Variants in GRID1 observed in about 807,000 individuals in gnomAD.
GRID1 encodes the protein glutamate receptor ionotropic, delta-1.
A neutral mutation model predicts 98.0 loss-of-function variants in GRID1; 28 were observed. The ratio of observed to expected loss-of-function variants is 0.29; its 90% CI spans 0.21 to 0.39. The LOEUF is 0.39. Among genes scored for constraint, GRID1 ranks in the 10% least tolerant of loss-of-function variants. GRID1 has a pLI of 1.00. For synonymous variants in GRID1, 553 were observed against 538.5 expected (o/e 1.03, Z -0.37); for missense variants, 1,111 against 1,340.5 (o/e 0.83, Z 2.67).
At chr10:86,140,264 G>A (rs566269123) in intron 3 of GRID1, among the ~76,000 whole-genome samples, 1 of 152,330 alleles carries the variant, frequency 6.6e-6, no homozygotes. Context: ...GGTCTGCCCA[G>A]ACCCACAAGC....
intron 8 of GRID1, among the ~76,000 whole-genome samples, chr10:85,756,203 C>T (rs562923388): frequency 1.5e-4 from 23 of 152,308 alleles, no homozygotes; most frequent in African/African-American, 5.3e-4. Context: ...ACTTATCATG[C>T]ACTGTGGCCG....
intron 5 of GRID1, among the ~76,000 whole-genome samples, chr10:85,885,988 C>A (rs553499914): frequency 6.6e-6 from 1 of 152,266 alleles, no homozygotes; most frequent in East Asian, 1.9e-4. Context: ...TTCCTCCATG[C>A]TAGGGCAACC....
chr10:86,087,296 G>C (rs894072481), intron 4 of GRID1, among the ~76,000 whole-genome samples: 9 of 151,778 alleles, frequency 5.9e-5, no homozygotes, highest in Admixed American at 2.0e-4. Flanking sequence ...TAATATGTTA[G>C]TATGCCAGTA....
chr10:86,116,192 C>T (rs1476656904), intron 4 of GRID1, among the ~76,000 whole-genome samples: 1 of 152,166 alleles, frequency 6.6e-6, no homozygotes, highest in Non-Finnish European at 1.5e-5. Context: ...CAAGAGTAAA[C>T]AGCAGAAATA....
intron 8 of GRID1, among the ~76,000 whole-genome samples, chr10:85,829,887 G>A (rs1842852524): frequency 6.6e-6 from 1 of 151,422 alleles, no homozygotes; most frequent in Non-Finnish European, 1.5e-5. Flanking sequence ...CCATGCTACT[G>A]TGCAATTTAC....
intron 8 of GRID1, among the ~76,000 whole-genome samples, chr10:85,738,745 T>A (rs1841911195): frequency 1.3e-5 from 2 of 152,112 alleles, no homozygotes; most frequent in African/African-American, 4.8e-5. Context: ...AAGCCAGACA[T>A]AGGAGACTGC....
intron 4 of GRID1, among the ~76,000 whole-genome samples, chr10:85,974,152 G>T (rs903809952): frequency 1.1e-4 from 17 of 152,284 alleles, no homozygotes; most frequent in African/African-American, 4.1e-4. Flanking sequence ...ACTTTTGCCA[G>T]CATGCCATTG....
In GRID1 at chr10:85,602,680, G is replaced by A; in HGVS notation, c.2623C>T (p.Gln875Ter). 6.2e-7 allele frequency: 1 copy of A among 1,612,514 alleles called. No homozygotes were observed. The highest frequency in any genetic ancestry group is 8.5e-7 in the Non-Finnish European group (1 of 1,179,100). ...AGGCTGTTCATGCGCCGGTGGACCTGCTCCAAGTTCACTTCTTTGTCCTGG... is the reference window on the plus strand; with the variant it reads ...AGGCTGTTCATGCGCCGGTGGACCTACTCCAAGTTCACTTCTTTGTCCTGG... ...PKEDKEVNLE[Q>*]VHRRMNSLMD... Residue 875 changes from glutamine to a stop codon, truncating the protein, a stop_gained, in exon 16 of 16, where the codon CAG becomes TAG. Coordinates refer to ENST00000327946, the MANE Select transcript of GRID1 (RefSeq NM_017551.3). LOFTEE classifies it high-confidence loss of function.
At chr10:85,872,448 C>T (rs1843287493) in intron 5 of GRID1, among the ~76,000 whole-genome samples, 1 of 152,146 alleles carries the variant, frequency 6.6e-6, no homozygotes, top group East Asian at 1.9e-4. Flanking sequence ...CTCCTGCTTC[C>T]TCAACTTTCT....
chr10:85,865,962 G>T (rs1438329706), intron 6 of GRID1, among the ~76,000 whole-genome samples: 1,034 of 8,660 alleles, frequency 0.12, 35 homozygotes, highest in African/African-American at 0.21. Flanking sequence ...TATGGAGAGA[G>T]AGAGAGAGAG....
chr10:85,790,900 C>T (rs552709619), intron 8 of GRID1, among the ~76,000 whole-genome samples: 9 of 152,316 alleles, frequency 5.9e-5, no homozygotes, highest in East Asian at 5.8e-4. Context: ...GGCACAGCCC[C>T]GCTCTCTCTG....
chr10:86,030,990 T>C (rs1341124110), intron 4 of GRID1, among the ~76,000 whole-genome samples: 1 of 152,108 alleles, frequency 6.6e-6, no homozygotes, highest in African/African-American at 2.4e-5. Flanking sequence ...ACATCATACC[T>C]GATCAAACCA....
intron 8 of GRID1, among the ~76,000 whole-genome samples, chr10:85,740,037 T>C (rs909920855): frequency 2.0e-5 from 3 of 152,192 alleles, no homozygotes; most frequent in Admixed American, 6.5e-5. Context: ...GATAAAGCAA[T>C]TTTCATTTTG....
intron 4 of GRID1, among the ~76,000 whole-genome samples, chr10:85,926,513 C>T (rs888669053): frequency 2.6e-5 from 4 of 152,172 alleles, no homozygotes; most frequent in Admixed American, 2.6e-4. Context: ...CTTAGTTTTT[C>T]CCCAAAGCTC....
chr10:85,684,342 A>G (rs542976562), intron 12 of GRID1, among the ~76,000 whole-genome samples: 1 of 152,354 alleles, frequency 6.6e-6, no homozygotes, highest in South Asian at 2.1e-4. Flanking sequence ...TTGCTTGTAA[A>G]TATAGAGATA....
intron 8 of GRID1, among the ~76,000 whole-genome samples, chr10:85,794,478 C>T (rs1036096519): frequency 6.6e-6 from 1 of 152,166 alleles, no homozygotes; most frequent in African/African-American, 2.4e-5. Flanking sequence ...AAGCCAGTGA[C>T]ATCACACCAA....
chr10:85,778,227 G>T (rs1272028933), intron 8 of GRID1, among the ~76,000 whole-genome samples: 6 of 152,098 alleles, frequency 3.9e-5, no homozygotes, highest in Non-Finnish European at 5.9e-5. Flanking sequence ...GGCATGAGAT[G>T]AACCCGTGTC....
chr10:85,893,475 C>T (rs1158370418), intron 5 of GRID1, among the ~76,000 whole-genome samples: 1 of 151,972 alleles, frequency 6.6e-6, no homozygotes, highest in Non-Finnish European at 1.5e-5. Context: ...TAGTCTATAT[C>T]GAAAAATCCC....
At chr10:85,634,534 C>T (rs1843014624) in intron 13 of GRID1, among the ~76,000 whole-genome samples, 3 of 152,076 alleles carry the variant, frequency 2.0e-5, no homozygotes, top group African/African-American at 7.2e-5. Context: ...AAAGAGACAG[C>T]TAATTTTCAG....
Sources: allele counts gnomAD v4.1 joint callset (sites outside exome capture counted in the v4.1 genomes callset), GRCh38; gene constraint gnomAD v4.1.1; transcripts MANE v1.5; gene names NCBI Gene and HGNC (gene_info 2026-07-23, HGNC 2026-07-21).